Variants in TRHDE observed in about 807,000 individuals in gnomAD.
The protein encoded by TRHDE is thyrotropin releasing hormone degrading enzyme.
TRHDE carries 72 observed loss-of-function variants against 125.7 expected under a neutral mutation model. That is an observed-to-expected ratio of 0.57 (90% CI 0.47 to 0.70). The LOEUF (loss-of-function observed/expected upper bound fraction) is 0.70. Ranked by LOEUF, TRHDE falls within the 30% of genes least tolerant of loss-of-function variation. The pLI is 0.00. For missense variants in TRHDE, 1,110 were observed against 1,327.1 expected, an observed-to-expected ratio of 0.84 and a Z score of 2.54; for synonymous variants, 509 against 509.1, an observed-to-expected ratio of 1.00 and a Z score of 0.00.
intron 2 of TRHDE, among the ~76,000 whole-genome samples, chr12:72,320,137 A>T (rs1371488215): frequency 1.3e-5 from 2 of 151,986 alleles, no homozygotes; most frequent in African/African-American, 4.8e-5. Context: ...AAATTGCTTC[A>T]GTTCTTGTTT....
intron 3 of TRHDE, 112 bp downstream of exon 3, chr12:72,378,233 T>C: frequency 9.0e-7 from 1 of 1,110,624 alleles, no homozygotes; most frequent in Non-Finnish European, 1.2e-6. Flanking sequence ...TTTATATTTT[T>C]AGAGAAGATA....
rs538203493 is a variant in TRHDE at position 72,575,293 on chromosome 12, C to T, written c.2170C>T (p.Leu724=). 7 of 1,613,460 alleles carry T rather than the reference C, an allele frequency of 4.3e-6. No homozygotes were observed. The highest frequency in any genetic ancestry group is 5.1e-6 in the Non-Finnish European group (6 of 1,179,678). Residue 724 remains leucine, a synonymous_variant, in exon 11 of 19, where the codon CTG becomes TTG. Transcript: ENST00000261180. The part of the protein sequence containing the change: ...RITYLDKGSW[L]LGNINQTGYF... ...AACTTATTTGGACAAAGGAAGCTGG[C>T]TGCTGGGGAACATCAATCAAACTGG... is the stretch of plus-strand genomic sequence containing the variant.
At chr12:72,364,217 G>T (rs1871248650) in intron 2 of TRHDE, among the ~76,000 whole-genome samples, 1 of 152,010 alleles carries the variant, frequency 6.6e-6, no homozygotes, top group African/African-American at 2.4e-5. Context: ...TTTAATGAAA[G>T]AGTTGAATGG....
At position 72,405,503 on chromosome 12, in the gene TRHDE, C is replaced by G. The variant is rs73342693; in HGVS notation, c.1315+27382C>G. On this transcript the variant is annotated intron_variant, in intron 3 of 18. Coordinates refer to ENST00000261180, the MANE Select transcript of TRHDE (RefSeq NM_013381.3). ...AATATTTGCTTAATTCCTAATTATA[C>G]TTTTCCCCAGAGCCACCACTACATT... 9.9e-3 allele frequency among the ~76,000 whole-genome samples: 1,508 copies of G among 152,248 alleles called. 36 individuals carry two copies. The highest frequency in any genetic ancestry group is 0.034 in the African/African-American group (1,416 of 41,536).
At chr12:72,345,956 G>A (rs1341871048) in intron 2 of TRHDE, among the ~76,000 whole-genome samples, 1 of 152,120 alleles carries the variant, frequency 6.6e-6, no homozygotes, top group East Asian at 1.9e-4. Flanking sequence ...ATTTTGATAT[G>A]ACATCAGTTT....
At chr12:72,572,850 G>T (rs1387418656) in intron 10 of TRHDE, among the ~76,000 whole-genome samples, 1 of 151,676 alleles carries the variant, frequency 6.6e-6, no homozygotes. Context: ...AATCAAATGG[G>T]GCTAAGTTAT....
chr12:72,111,278 A>G (rs1875309077), intron 2 of TRHDE, among the ~76,000 whole-genome samples: 1 of 152,178 alleles, frequency 6.6e-6, no homozygotes, highest in Non-Finnish European at 1.5e-5. Context: ...TGTTAGATAC[A>G]TGAGTTTGTG....
At chr12:72,386,383 A>C (rs1872417080) in intron 3 of TRHDE, among the ~76,000 whole-genome samples, 1 of 152,112 alleles carries the variant, frequency 6.6e-6, no homozygotes, top group Admixed American at 6.5e-5. Flanking sequence ...TTCCCCTATT[A>C]CTATGGGTCA....
intron 1 of TRHDE, among the ~76,000 whole-genome samples, chr12:72,285,074 T>C (rs1879831456): frequency 6.6e-6 from 1 of 152,216 alleles, no homozygotes; most frequent in African/African-American, 2.4e-5. Flanking sequence ...TTCTCTATTC[T>C]AAAACTAAGC....
At chr12:72,579,218 A>G (rs1205306067) in intron 12 of TRHDE, among the ~76,000 whole-genome samples, 4 of 151,958 alleles carry the variant, frequency 2.6e-5, no homozygotes, top group Non-Finnish European at 5.9e-5. Context: ...GCCTTTTCCA[A>G]TTTAACCCTC....
chr12:72,300,847 G>C (rs1164443925), intron 2 of TRHDE, among the ~76,000 whole-genome samples: 1 of 151,972 alleles, frequency 6.6e-6, no homozygotes. Flanking sequence ...CTTTATTTGG[G>C]TGACAAAAAA....
At chr12:72,189,233 C>T (rs1784433402) in intron 2 of TRHDE, among the ~76,000 whole-genome samples, 1 of 152,144 alleles carries the variant, frequency 6.6e-6, no homozygotes, top group South Asian at 2.1e-4. Context: ...ATACTATATT[C>T]AACTCAGGGG....
At chr12:72,164,795 C>T (rs1373176977) in intron 2 of TRHDE, among the ~76,000 whole-genome samples, 1 of 152,182 alleles carries the variant, frequency 6.6e-6, no homozygotes, top group Non-Finnish European at 1.5e-5. Context: ...AACTCGGGGC[C>T]TCAATCCCCT....
At chr12:72,592,384 T>C (rs918363065) in intron 12 of TRHDE, among the ~76,000 whole-genome samples, 18 of 139,114 alleles carry the variant, frequency 1.3e-4, no homozygotes, top group African/African-American at 6.3e-5. Flanking sequence ...TATTAGTTCT[T>C]TGAGGACAGT....
At chr12:72,097,846 C>T (rs944874223) in intron 1 of TRHDE, among the ~76,000 whole-genome samples, 2 of 152,064 alleles carry the variant, frequency 1.3e-5, no homozygotes, top group African/African-American at 4.8e-5. Flanking sequence ...GAAGGTAATG[C>T]TCCATGATGA....
At chr12:72,527,506 C>T (rs1373001013) in intron 6 of TRHDE, among the ~76,000 whole-genome samples, 1 of 150,832 alleles carries the variant, frequency 6.6e-6, no homozygotes, top group Non-Finnish European at 1.5e-5. Flanking sequence ...AAATGGCCAT[C>T]AGAGGCAGGG....
At chr12:72,581,111 C>CA (rs1871204835) in intron 12 of TRHDE, among the ~76,000 whole-genome samples, 1 of 152,056 alleles carries the variant, frequency 6.6e-6, no homozygotes, top group Admixed American at 6.6e-5. Context: ...AGCAGCAATG[C>CA]CTCATGGCAC....
chr12:72,320,277 G>T (rs1195980549), intron 2 of TRHDE, among the ~76,000 whole-genome samples: 5 of 152,018 alleles, frequency 3.3e-5, no homozygotes, highest in Admixed American at 3.3e-4. Context: ...AGATGCTAAA[G>T]TACCTTATAT....
At chr12:72,362,802 A>C (rs1871163309) in intron 2 of TRHDE, among the ~76,000 whole-genome samples, 1 of 152,010 alleles carries the variant, frequency 6.6e-6, no homozygotes, top group Non-Finnish European at 1.5e-5. Context: ...TTTTCCCAGC[A>C]CCATTTATTA....
Sources: allele counts gnomAD v4.1 joint callset (sites outside exome capture counted in the v4.1 genomes callset), GRCh38; gene constraint gnomAD v4.1.1; transcripts MANE v1.5; gene names NCBI Gene and HGNC (gene_info 2026-07-23, HGNC 2026-07-21).